TMOD1: variants seen among roughly 807,000 people sequenced by gnomAD.
The protein encoded by TMOD1 is tropomodulin-1.
In TMOD1, 17 loss-of-function variants were observed where a neutral mutation model predicts 40.6. The ratio of observed to expected loss-of-function variants is 0.42; its 90% CI spans 0.29 to 0.63. The LOEUF (loss-of-function observed/expected upper bound fraction) is 0.63. TMOD1 is among the 20% of genes least tolerant of loss of function. The probability of loss-of-function intolerance (pLI) is 0.22; values close to 1 mark genes in which losing one functional copy is unlikely to be tolerated. For missense variants in TMOD1, 391 were observed against 447.6 expected (o/e 0.87, Z 1.14); for synonymous variants, 181 against 175.0 (o/e 1.03, Z -0.27).
In TMOD1 at chr9:97,557,743, T is replaced by A. The variant is rs200198454; in HGVS notation, c.397+4343T>A. 2.0e-5 allele frequency among the ~76,000 whole-genome samples: 3 copies of A among 152,124 alleles called. No homozygotes were observed. The highest frequency in any genetic ancestry group is 4.4e-5 in the Non-Finnish European group (3 of 68,022). The stretch of plus-strand genomic sequence containing the variant: ...GGAGCCGGGGATGTGTGCTGTTATC[T>A]CTCTGCGTCCTGAGTGGAATTACCA... On this transcript the variant is annotated intron_variant, in intron 4 of 9. Coordinates refer to ENST00000259365, the MANE Select transcript of TMOD1 (RefSeq NM_003275.4). This position sits in a 1 kb window ranked among gnomAD's most constrained non-coding sequence, Gnocchi z 4.4.
At chr9:97,530,489 G>GTTT (rs1339339559) in intron 2 of TMOD1, among the ~76,000 whole-genome samples, 1 of 139,996 alleles carries the variant, frequency 7.1e-6, no homozygotes, top group Non-Finnish European at 1.6e-5. Flanking sequence ...CTACTGAGGA[G>GTTT]TTTTTTTTTT....
chr9:97,576,618 C>T (rs1830943555), intron 8 of TMOD1, among the ~76,000 whole-genome samples: 1 of 149,832 alleles, frequency 6.7e-6, no homozygotes, highest in African/African-American at 2.5e-5. Flanking sequence ...ACTCATTGGC[C>T]ATGATGGTTA....
At chr9:97,516,597 G>A (rs1025355837) in intron 1 of TMOD1, 22 of 152,398 alleles carry the variant, frequency 1.4e-4, no homozygotes, top group African/African-American at 5.1e-4. Flanking sequence ...AGTGAGGATA[G>A]GAAGGAGGGA....
At chr9:97,555,456 T>C (rs906724623) in intron 4 of TMOD1, 4 of 1,423,756 alleles carry the variant, frequency 2.8e-6, no homozygotes, top group Admixed American at 5.9e-5. Context: ...GAGCTGCAAC[T>C]CTGTGCTACG....
At chr9:97,523,385 G>A (rs991689100) in intron 1 of TMOD1, among the ~76,000 whole-genome samples, 2 of 152,218 alleles carry the variant, frequency 1.3e-5, no homozygotes, top group Admixed American at 1.3e-4. Context: ...TCCCTCTGGG[G>A]GGAAATGGGG....
intron 5 of TMOD1, among the ~76,000 whole-genome samples, chr9:97,563,589 A>G (rs1049630725): frequency 2.6e-5 from 4 of 151,994 alleles, no homozygotes; most frequent in African/African-American, 4.8e-5. Flanking sequence ...CATTGCCTTA[A>G]TTACTCCACT....
In TMOD1 at chr9:97,513,177, C is replaced by G. The variant is rs1360229550; in HGVS notation, c.-48-10964C>G. On this transcript the variant is annotated intron_variant, in intron 1 of 9. Coordinates refer to ENST00000259365, the MANE Select transcript of TMOD1 (RefSeq NM_003275.4). The surrounding 1 kb of genome is among the most constrained non-coding windows in gnomAD (Gnocchi z 4.1). The stretch of plus-strand genomic sequence containing the variant: ...CACATCTTTCTCATGGCTGCTCAGC[C>G]ACGTCCACTCATCCGGTGCTTGCAG... The G allele has an allele frequency of 6.6e-6, 1 of 152,308 alleles. No individual in the cohort carries two copies. Among genetic ancestry groups the G allele is most frequent in the East Asian group, 1.9e-4 (1 of 5,204 alleles). 9.4% of individuals were successfully genotyped at this position (152,308 alleles called of 1,614,324 possible). A position where few individuals can be genotyped will look rare whatever the true frequency, so the allele number is the denominator to read the frequency against.
chr9:97,560,480 A>G (rs967369901), intron 4 of TMOD1, among the ~76,000 whole-genome samples: 40 of 152,148 alleles, frequency 2.6e-4, no homozygotes, highest in Middle Eastern at 3.4e-3. Context: ...GGGCGTACTT[A>G]GCTAAAAAAA....
At chr9:97,524,072 T>A (rs1829958838) in intron 1 of TMOD1, 69 bp from the exon 2 acceptor site, 3 of 1,207,476 alleles carry the variant, frequency 2.5e-6, no homozygotes, top group Non-Finnish European at 3.5e-6. Flanking sequence ...GTGTGAACGA[T>A]GAGCCTCCAT....
intron 8 of TMOD1, among the ~76,000 whole-genome samples, chr9:97,577,355 G>A (rs1825635833): frequency 6.6e-6 from 1 of 152,210 alleles, no homozygotes; most frequent in South Asian, 2.1e-4. Context: ...ATTCTCAGAG[G>A]CACTTAAGTG....
chr9:97,559,920 G>C (rs540493091), intron 4 of TMOD1, among the ~76,000 whole-genome samples: 61 of 147,772 alleles, frequency 4.1e-4, no homozygotes, highest in African/African-American at 1.5e-3. Flanking sequence ...CTCCCTGGGT[G>C]ATCCATGTGT....
chr9:97,559,794 A>AAAAAAAT (rs1390791825), intron 4 of TMOD1, among the ~76,000 whole-genome samples: 4 of 23,172 alleles, frequency 1.7e-4, no homozygotes, highest in East Asian at 4.0e-3. Context: ...AAAAAAAAAA[A>AAAAAAAT]ATATATATAT....
chr9:97,505,047 A>G (rs935724494), intron 1 of TMOD1, among the ~76,000 whole-genome samples: 3 of 152,202 alleles, frequency 2.0e-5, no homozygotes, highest in South Asian at 2.1e-4. Flanking sequence ...CCTTTGGCTA[A>G]TCATGATAGA....
At chr9:97,571,280 C>A (rs1819846465) in intron 8 of TMOD1, among the ~76,000 whole-genome samples, 1 of 152,240 alleles carries the variant, frequency 6.6e-6, no homozygotes, top group Admixed American at 6.5e-5. Context: ...GGAGTTGCCC[C>A]TTCCCTCCAC....
intron 8 of TMOD1, among the ~76,000 whole-genome samples, chr9:97,582,567 T>C (rs1251898078): frequency 2.2e-5 from 3 of 135,870 alleles, no homozygotes; most frequent in South Asian, 4.8e-4. Flanking sequence ...GGGGATGGCA[T>C]TGAATCTGTA....
At chr9:97,566,623 A>T (rs1587947445) in intron 7 of TMOD1, among the ~76,000 whole-genome samples, 2 of 152,248 alleles carry the variant, frequency 1.3e-5, no homozygotes, top group Admixed American at 6.5e-5. Flanking sequence ...GTGAGCCGAG[A>T]TTGCACCACT....
Position 97,546,313 on chromosome 9 carries a change from T to A in TMOD1, c.249T>A (p.Asp83Glu). The A allele has an allele frequency of 6.2e-7, 1 of 1,613,866 alleles. No individual in the cohort carries two copies. Among genetic ancestry groups the A allele is most frequent in the Non-Finnish European group, 8.5e-7 (1 of 1,179,942 alleles). The change falls in exon 3 of 10, where the codon GAT becomes GAA. Residue 83 changes from aspartate (D) to glutamate (E), a missense_variant. Asp to Glu is a conservative substitution (Grantham distance 45). Transcript: ENST00000259365. The stretch of plus-strand genomic sequence containing the variant: ...CAAAGGAGTTTAAGGACCGAGAAGA[T>A]CTGGTCCCCTACACAGGGGAAAAAC... ...KQAKEFKDRE[D>E]LVPYTGEKRG...
In TMOD1 at chr9:97,600,231, C is replaced by T. The variant is rs1826222960; in HGVS notation, c.*533C>T. The T allele has an allele frequency of 1.0e-6, 1 of 991,116 alleles. No individual in the cohort carries two copies. Among genetic ancestry groups the T allele is most frequent in the Non-Finnish European group, 1.2e-6 (1 of 832,888 alleles). 61.4% of individuals were successfully genotyped at this position (991,116 alleles called of 1,614,324 possible). A position where few individuals can be genotyped will look rare whatever the true frequency, so the allele number is the denominator to read the frequency against. ...ATTACTGGATCCAGAACACAATTTT[C>T]CCCTCAGAACAGATAGACAGACTGA... On this transcript the variant is annotated 3_prime_UTR_variant, in exon 10 of 10. Coordinates refer to ENST00000259365, the MANE Select transcript of TMOD1 (RefSeq NM_003275.4).
chr9:97,551,413 C>T (rs1830452720), intron 3 of TMOD1, among the ~76,000 whole-genome samples: 1 of 152,178 alleles, frequency 6.6e-6, no homozygotes, highest in South Asian at 2.1e-4. Context: ...ACTTCATTCT[C>T]TTGCATGTGG....
Sources: allele counts gnomAD v4.1 joint callset (sites outside exome capture counted in the v4.1 genomes callset), GRCh38; gene constraint gnomAD v4.1.1; non-coding constraint Gnocchi (gnomAD v3.1); transcripts MANE v1.5; gene names NCBI Gene and HGNC (gene_info 2026-07-23, HGNC 2026-07-21).